CDH18: variants seen among roughly 807,000 people sequenced by gnomAD.
The protein encoded by CDH18 is cadherin-18.
Under a neutral mutation model 67.9 loss-of-function variants are expected in CDH18, and 31 were observed. That is an observed-to-expected ratio of 0.46 (90% confidence interval 0.34 to 0.62). The LOEUF (loss-of-function observed/expected upper bound fraction) is 0.62, where lower values mean the gene tolerates loss of function less well. Ranked by LOEUF, CDH18 falls within the 20% of genes least tolerant of loss-of-function variation. CDH18 has a pLI of 0.01. For missense variants in CDH18, 890 were observed against 975.5 expected, an observed-to-expected ratio of 0.91 and a Z score of 1.17; for synonymous variants, 362 against 347.2, an observed-to-expected ratio of 1.04 and a Z score of -0.48.
chr5:20,296,077 C>G (rs1443287066), intron 1 of CDH18, among the ~76,000 whole-genome samples: 1 of 149,914 alleles, frequency 6.7e-6, no homozygotes, highest in Non-Finnish European at 1.5e-5. Context: ...GGTTTCGCCA[C>G]GTTGGCCAGC....
intron 2 of CDH18, among the ~76,000 whole-genome samples, chr5:20,164,389 C>A (rs1011152354): frequency 6.6e-6 from 1 of 152,128 alleles, no homozygotes; most frequent in South Asian, 2.1e-4. Context: ...CAGGTTCAAG[C>A]GACTCTCCTG....
At chr5:19,863,907 G>T (rs1476406338) in intron 2 of CDH18, among the ~76,000 whole-genome samples, 5 of 152,078 alleles carry the variant, frequency 3.3e-5, no homozygotes, top group African/African-American at 1.2e-4. Context: ...TGGAGAAATA[G>T]GAACACTTTT....
intron 2 of CDH18, among the ~76,000 whole-genome samples, chr5:19,863,034 A>T (rs1375951575): frequency 1.3e-5 from 2 of 151,776 alleles, no homozygotes; most frequent in Non-Finnish European, 2.9e-5. Flanking sequence ...AAAAAATGGG[A>T]GAACAGGGTA....
In CDH18 at chr5:19,747,084, A is replaced by G. The variant is rs768095199; in HGVS notation, c.381T>C (p.His127=). The change falls in exon 4 of 13, where the codon CAT becomes CAC. Residue 127 remains histidine, a synonymous_variant. Coordinates refer to ENST00000382275, the MANE Select transcript of CDH18 (RefSeq NM_004934.5). ...TTGTACGTCTATCAATAGCTTGAGCATGAAGCACATAGTGGGTCTTCTGCT... is the reference window on the plus strand; with the variant it reads ...TTGTACGTCTATCAATAGCTTGAGCGTGAAGCACATAGTGGGTCTTCTGCT... ...DREQKTHYVL[H]AQAIDRRTNK... is the part of the protein sequence containing the mutation. 1.9e-6 allele frequency: 3 copies of G among 1,614,022 alleles called. No individual in the cohort carries two copies. The highest frequency in any genetic ancestry group is 1.7e-6 in the Non-Finnish European group (2 of 1,180,022).
intron 1 of CDH18, among the ~76,000 whole-genome samples, chr5:20,373,180 T>G (rs530392158): frequency 6.6e-6 from 1 of 152,298 alleles, no homozygotes; most frequent in East Asian, 1.9e-4. Context: ...CTAAAACAAT[T>G]TAGTAGCTTC....
chr5:19,827,055 A>C (rs538447156), intron 3 of CDH18, among the ~76,000 whole-genome samples: 1 of 152,284 alleles, frequency 6.6e-6, no homozygotes, highest in African/African-American at 2.4e-5. Context: ...AGAAAATGGC[A>C]AACAGAAAAA....
chr5:20,215,144 C>T (rs1379660230), intron 2 of CDH18, among the ~76,000 whole-genome samples: 1 of 151,928 alleles, frequency 6.6e-6, no homozygotes, highest in East Asian at 1.9e-4. Flanking sequence ...GAGATACAAC[C>T]TCATACCAGT....
chr5:19,814,381 C>A (rs1211698780), intron 3 of CDH18, among the ~76,000 whole-genome samples: 2 of 152,098 alleles, frequency 1.3e-5, no homozygotes, highest in Non-Finnish European at 2.9e-5. Flanking sequence ...CTTGCATATG[C>A]ACACAAATTG....
chr5:19,672,595 T>C (rs1251197245), intron 5 of CDH18, among the ~76,000 whole-genome samples: 1 of 152,010 alleles, frequency 6.6e-6, no homozygotes. Context: ...CCAAACAACT[T>C]AGTAAAATTT....
intron 1 of CDH18, chr5:20,305,235 A>G (rs1448256924): frequency 1.0e-5 from 14 of 1,380,142 alleles, no homozygotes; most frequent in Non-Finnish European, 1.4e-5. Flanking sequence ...CAAATCCAGG[A>G]AACCGTCCTC....
chr5:20,413,011 T>C (rs545027314), intron 1 of CDH18, among the ~76,000 whole-genome samples: 2 of 152,262 alleles, frequency 1.3e-5, no homozygotes, highest in South Asian at 4.1e-4. Flanking sequence ...CCGCCCTGCG[T>C]CCAAGTGTTC....
At chr5:20,382,448 A>G (rs562905129) in intron 1 of CDH18, among the ~76,000 whole-genome samples, 1 of 152,260 alleles carries the variant, frequency 6.6e-6, no homozygotes, top group African/African-American at 2.4e-5. Flanking sequence ...TGGCTAATTC[A>G]TGGAAGACAT....
At chr5:19,731,332 C>T (rs1449745745) in intron 4 of CDH18, among the ~76,000 whole-genome samples, 3 of 151,918 alleles carry the variant, frequency 2.0e-5, no homozygotes, top group Admixed American at 6.6e-5. Context: ...GCGCCTGTAG[C>T]CCCAGCTACT....
chr5:19,498,681 C>T (rs765867697), intron 11 of CDH18, among the ~76,000 whole-genome samples: 1 of 152,100 alleles, frequency 6.6e-6, no homozygotes, highest in African/African-American at 2.4e-5. Context: ...TAGATTGCCT[C>T]TCCAGACAAC....
At chr5:20,307,278 G>A (rs1736548631) in intron 1 of CDH18, among the ~76,000 whole-genome samples, 1 of 151,172 alleles carries the variant, frequency 6.6e-6, no homozygotes, top group African/African-American at 2.5e-5. Context: ...GACACCAATA[G>A]ATTTTTTTTT....
intron 2 of CDH18, among the ~76,000 whole-genome samples, chr5:19,843,369 T>C (rs1407050277): frequency 6.6e-6 from 1 of 152,194 alleles, no homozygotes; most frequent in African/African-American, 2.4e-5. Context: ...TTCCACCAAG[T>C]GCTTGGAAGC....
intron 2 of CDH18, among the ~76,000 whole-genome samples, chr5:20,203,950 G>A (rs1311256992): frequency 1.3e-5 from 2 of 151,734 alleles, no homozygotes; most frequent in Non-Finnish European, 2.9e-5. Context: ...AACACAATCA[G>A]AGGAGAAAAA....
intron 2 of CDH18, among the ~76,000 whole-genome samples, chr5:20,225,323 C>A (rs6888503): frequency 0.13 from 19,591 of 151,950 alleles, 1,708 homozygotes; most frequent in African/African-American, 0.25. Flanking sequence ...GTTTTTTATG[C>A]CTATACAAAA....
chr5:20,458,709 A>G (rs1201037363), intron 1 of CDH18, among the ~76,000 whole-genome samples: 1 of 152,174 alleles, frequency 6.6e-6, no homozygotes, highest in East Asian at 1.9e-4. Context: ...CTTAATTTTG[A>G]TTTGTATAAG....
Sources: allele counts gnomAD v4.1 joint callset (sites outside exome capture counted in the v4.1 genomes callset), GRCh38; gene constraint gnomAD v4.1.1; transcripts MANE v1.5; gene names NCBI Gene and HGNC (gene_info 2026-07-23, HGNC 2026-07-21).